BACE1: variants seen among roughly 807,000 people sequenced by gnomAD.
BACE1 encodes beta-secretase 1, also known as APP beta-secretase.
A neutral mutation model predicts 54.0 loss-of-function variants in BACE1; 21 were observed. The ratio of observed to expected loss-of-function variants is 0.39; its 90% CI spans 0.28 to 0.56. The LOEUF (loss-of-function observed/expected upper bound fraction) is 0.56, where lower values mean the gene tolerates loss of function less well. BACE1 is among the 20% of genes least tolerant of loss of function. The pLI, the probability that BACE1 is intolerant of heterozygous loss-of-function variation, is 0.63. For synonymous variants in BACE1, 232 were observed against 260.9 expected, an observed-to-expected ratio of 0.89 and a Z score of 1.07; for missense variants, 511 against 661.2, an observed-to-expected ratio of 0.77 and a Z score of 2.49.
In BACE1 at chr11:117,293,965, T is replaced by C. The variant is rs974057318; in HGVS notation, c.611A>G (p.Gln204Arg). The change falls in exon 4 of 9, where the codon CAG (glutamine) becomes CGG (arginine). Residue 204 changes from glutamine (Q) to arginine (R), a missense_variant. Transcript: ENST00000313005. The surrounding 1 kb of genome is among the most constrained non-coding windows in gnomAD (Gnocchi z 4.1). ...LEPFFDSLVK[Q>R]THVPNLFSLQ... ...GGAGAAGAGGTTGGGAACGTGGGTCTGCTTTACCAGAGAGTCAAAGAAAGG... is the reference window on the plus strand; with the variant it reads ...GGAGAAGAGGTTGGGAACGTGGGTCCGCTTTACCAGAGAGTCAAAGAAAGG... 2 of 1,613,896 alleles carry C rather than the reference T, an allele frequency of 1.2e-6. No homozygotes were observed. Among genetic ancestry groups the C allele is most frequent in the African/African-American group, 2.7e-5 (2 of 74,928 alleles).
rs1054363861 is a variant in BACE1 at position 117,316,093 on chromosome 11, G to C, written c.-298C>G. On this transcript the variant is annotated 5_prime_UTR_variant, in exon 1 of 9. Coordinates refer to ENST00000313005, the MANE Select transcript of BACE1 (RefSeq NM_012104.6). ...GGCTCCCGGCGGGGCTGGGAGGGGC[G>C]GGCATGGCGGGCCGGTGGCGGCTTC... is the stretch of plus-strand genomic sequence containing the variant. 1.6e-4 allele frequency: 63 copies of C among 394,228 alleles called. No homozygotes were observed. The highest frequency in any genetic ancestry group is 6.4e-4 in the Middle Eastern group (1 of 1,562). The allele number at this position is 394,228 out of a possible 1,614,324, so 24.4% of individuals were successfully genotyped here. A position where few individuals can be genotyped will look rare whatever the true frequency, so the allele number is the denominator to read the frequency against.
chr11:117,299,661 C>T (rs1477704374), intron 1 of BACE1: 4 of 405,648 alleles, frequency 9.9e-6, no homozygotes, highest in African/African-American at 2.1e-5. Context: ...TACCCGTGGT[C>T]TCTCTCCCCG....
Position 117,315,418 on chromosome 11 carries a change from G to C in BACE1, c.261+117C>G. On this transcript the variant is annotated intron_variant, in intron 1 of 8. Coordinates refer to ENST00000313005, the MANE Select transcript of BACE1 (RefSeq NM_012104.6). The surrounding 1 kb of genome is among the most constrained non-coding windows in gnomAD (Gnocchi z 5.5). ...GACCCCCGGGGAATGGCTGGGGAGG[G>C]GTCCCTCCTGCTGTCCCCACCAGCC... The C allele has an allele frequency of 1.5e-6, 2 of 1,359,044 alleles. No individual in the cohort carries two copies. Among genetic ancestry groups the C allele is most frequent in the Non-Finnish European group, 2.0e-6 (2 of 1,023,472 alleles). 84.2% of individuals were successfully genotyped at this position (1,359,044 alleles called of 1,614,324 possible). A position where few individuals can be genotyped will look rare whatever the true frequency, so the allele number is the denominator to read the frequency against.
chr11:117,293,823 C>T lies in BACE1; in HGVS notation c.705+48G>A, dbSNP rs1179078665. On this transcript the variant is annotated intron_variant, in intron 4 of 8. Coordinates refer to ENST00000313005, the MANE Select transcript of BACE1 (RefSeq NM_012104.6). The surrounding 1 kb of genome is among the most constrained non-coding windows in gnomAD (Gnocchi z 4.1). Reference sequence around the variant, plus strand: ...TTCAGGAAGGGGAGAGGATGGCACCCATCTCTCCCTCAATGCCAGGACCTC... The same window carrying T: ...TTCAGGAAGGGGAGAGGATGGCACCTATCTCTCCCTCAATGCCAGGACCTC... 2 of 1,565,224 alleles carry T rather than the reference C, an allele frequency of 1.3e-6. No homozygotes were observed. Among genetic ancestry groups the T allele is most frequent in the Non-Finnish European group, 1.7e-6 (2 of 1,154,952 alleles).
rs1469726367 is a variant in BACE1 at position 117,289,712 on chromosome 11, T to C, written c.1360A>G (p.Thr454Ala). 6 of 1,614,050 alleles carry C rather than the reference T, an allele frequency of 3.7e-6. No individual in the cohort carries two copies. In the African/African-American group the frequency reaches 6.7e-5, roughly 18 times the overall value. The change falls in exon 9 of 9, where the codon ACC becomes GCC. Residue 454 changes from threonine (T) to alanine (A), a missense_variant. Physicochemically the swap from Thr to Ala is moderately conservative, Grantham distance 58. This residue lies in a region of BACE1 where 407 missense variants were observed against 565.7 expected (regional missense o/e 0.72). Transcript: ENST00000313005. ...GYNIPQTDES[T>A]LMTIAYVMAA... ...ATGACATAGGCTATGGTCATGAGGG[T>C]TGACTCATCTGTCTGTGGAATGTTG...
chr11:117,291,613 C>G, intron 6 of BACE1, 99 bp downstream of exon 6: 1 of 859,468 alleles, frequency 1.2e-6, no homozygotes, highest in Non-Finnish European at 1.9e-6. Flanking sequence ...GTAGAAGGGT[C>G]TAAGTGCAGA....
At chr11:117,297,739 G>C (rs1249119793) in intron 1 of BACE1, among the ~76,000 whole-genome samples, 1 of 152,196 alleles carries the variant, frequency 6.6e-6, no homozygotes, top group East Asian at 1.9e-4. Flanking sequence ...ACCCCTCAGA[G>C]AAAACAGGTG....
At chr11:117,304,912 A>T (rs987360290) in intron 1 of BACE1, among the ~76,000 whole-genome samples, 1 of 150,536 alleles carries the variant, frequency 6.6e-6, no homozygotes, top group African/African-American at 2.4e-5. Flanking sequence ...ATTGACAGCA[A>T]CTGCCTCATT....
chr11:117,289,295 C>G lies in BACE1; in HGVS notation c.*271G>C. 2.3e-6 allele frequency: 1 copy of G among 427,558 alleles called. No individual in the cohort carries two copies. The highest frequency in any genetic ancestry group is 4.2e-6 in the Non-Finnish European group (1 of 235,892). 26.5% of individuals were successfully genotyped at this position (427,558 alleles called of 1,614,324 possible). A position where few individuals can be genotyped will look rare whatever the true frequency, so the allele number is the denominator to read the frequency against. On this transcript the variant is annotated 3_prime_UTR_variant, in exon 9 of 9. Transcript: ENST00000313005. ...AAAGGTTCAGGGCTGAAGTTTCAAGCAGCAGAATTTCCCGACTTAAATTTG... is the reference window on the plus strand; with the variant it reads ...AAAGGTTCAGGGCTGAAGTTTCAAGGAGCAGAATTTCCCGACTTAAATTTG...
chr11:117,305,523 A>AC (rs911810854), intron 1 of BACE1, among the ~76,000 whole-genome samples: 2 of 150,106 alleles, frequency 1.3e-5, no homozygotes, highest in African/African-American at 4.9e-5. Context: ...GGCGCCACTT[A>AC]CCCCACCTCT....
At position 117,315,408 on chromosome 11, in the gene BACE1, G is replaced by T; in HGVS notation, c.261+127C>A. On this transcript the variant is annotated intron_variant, in intron 1 of 8. Coordinates refer to ENST00000313005, the MANE Select transcript of BACE1 (RefSeq NM_012104.6). The surrounding 1 kb of genome is among the most constrained non-coding windows in gnomAD (Gnocchi z 5.5). ...ACAACCACGTGACCCCCGGGGAATG[G>T]CTGGGGAGGGGTCCCTCCTGCTGTC... The T allele has an allele frequency of 1.5e-6, 2 of 1,300,034 alleles. No homozygotes were observed. Among genetic ancestry groups the T allele is most frequent in the Non-Finnish European group, 2.0e-6 (2 of 976,280 alleles). The allele number at this position is 1,300,034 out of a possible 1,614,324, so 80.5% of individuals were successfully genotyped here. A position where few individuals can be genotyped will look rare whatever the true frequency, so the allele number is the denominator to read the frequency against.
intron 1 of BACE1, among the ~76,000 whole-genome samples, chr11:117,312,221 ACT>A (rs1231751763): frequency 6.6e-6 from 1 of 151,910 alleles, no homozygotes; most frequent in African/African-American, 2.4e-5. Flanking sequence ...TTCACTGTGG[ACT>A]CTCCCAATTT....
intron 2 of BACE1, chr11:117,295,569 CTA>C (rs1191255749): frequency 1.3e-6 from 2 of 1,535,696 alleles, no homozygotes; most frequent in Non-Finnish European, 1.7e-6. Flanking sequence ...GCTCTCCTAT[CTA>C]TTGCTCATAT....
intron 5 of BACE1, chr11:117,292,186 T>TC: frequency 7.6e-6 from 1 of 132,268 alleles, no homozygotes; most frequent in Non-Finnish European, 1.6e-5. Flanking sequence ...CTTTTCTTTT[T>TC]TTTTTTTTTT....
At chr11:117,298,621 C>G (rs1051843909) in intron 1 of BACE1, among the ~76,000 whole-genome samples, 2 of 152,198 alleles carry the variant, frequency 1.3e-5, no homozygotes, top group Non-Finnish European at 2.9e-5. Flanking sequence ...GTCCCTGCCA[C>G]CAGAATGTGG....
chr11:117,315,526 C>A lies in BACE1; in HGVS notation c.261+9G>T, dbSNP rs770706507. 9 of 1,578,744 alleles carry A rather than the reference C, an allele frequency of 5.7e-6. No homozygotes were observed. The highest frequency in any genetic ancestry group is 7.7e-6 in the Non-Finnish European group (9 of 1,165,156). ...GGCGGAGGGCTAAGGGCTGGCCTGA[C>A]CACCTTACCGTCTGCGGGGGGCTGC... On this transcript the variant is annotated intron_variant, in intron 1 of 8. Coordinates refer to ENST00000313005, the MANE Select transcript of BACE1 (RefSeq NM_012104.6). This position sits in a 1 kb window ranked among gnomAD's most constrained non-coding sequence, Gnocchi z 5.5.
At chr11:117,311,034 G>C (rs1663288365) in intron 1 of BACE1, among the ~76,000 whole-genome samples, 1 of 151,102 alleles carries the variant, frequency 6.6e-6, no homozygotes, top group South Asian at 2.1e-4. Context: ...ACAAGCTGGA[G>C]ATTGCAGTGG....
Position 117,315,633 on chromosome 11 carries a change from C to T in BACE1, c.163G>A (p.Gly55Ser). ...ATCTCCACAAAGCTGCCCCTCCGGC[C>T]GGGCTCCTCGGGCTCTTCGTCGGTC... is the stretch of plus-strand genomic sequence containing the variant. ...RETDEEPEEP[G>S]RRGSFVEMVD... The change falls in exon 1 of 9, where the codon GGC becomes AGC. Residue 55 changes from glycine to serine, a missense_variant. Physicochemically the swap from Gly to Ser is moderately conservative, Grantham distance 56 (BLOSUM62 0). This residue lies in a region of BACE1 where 104 missense variants were observed against 95.5 expected (regional missense o/e 1.09). Coordinates refer to ENST00000313005, the MANE Select transcript of BACE1 (RefSeq NM_012104.6). The surrounding 1 kb of genome is among the most constrained non-coding windows in gnomAD (Gnocchi z 5.5). 1 of 1,580,978 alleles carries T rather than the reference C, an allele frequency of 6.3e-7. No individual in the cohort carries two copies. Among genetic ancestry groups the T allele is most frequent in the East Asian group, 2.5e-5 (1 of 40,740 alleles).
chr11:117,309,289 C>T (rs1019882463), intron 1 of BACE1, among the ~76,000 whole-genome samples: 1 of 152,202 alleles, frequency 6.6e-6, no homozygotes, highest in Non-Finnish European at 1.5e-5. Context: ...CATCCCTCTT[C>T]TCGTATACCT....
Sources: allele counts gnomAD v4.1 joint callset (sites outside exome capture counted in the v4.1 genomes callset), GRCh38; gene constraint gnomAD v4.1.1; regional missense constraint gnomAD v4.1.1; non-coding constraint Gnocchi (gnomAD v3.1); transcripts MANE v1.5; gene names NCBI Gene and HGNC (gene_info 2026-07-23, HGNC 2026-07-21).